Variants in CHD2 observed in about 807,000 individuals in gnomAD.
CHD2 encodes ATP-dependent chromatin remodeler CHD2.
Under a neutral mutation model 243.9 loss-of-function variants are expected in CHD2, and 28 were observed. The observed-to-expected ratio is 0.11, with a 90% CI of 0.09 to 0.16. CHD2 has a LOEUF of 0.16. CHD2 is among the 10% of genes least tolerant of loss of function. CHD2 has a pLI of 1.00. For missense variants in CHD2, 1,386 were observed against 2,209.8 expected, an observed-to-expected ratio of 0.63 and a Z score of 7.47; for synonymous variants, 775 against 779.0, an observed-to-expected ratio of 0.99 and a Z score of 0.09.
At chr15:92,985,218 G>A (rs2054027302) in intron 25 of CHD2, among the ~76,000 whole-genome samples, 1 of 152,138 alleles carries the variant, frequency 6.6e-6, no homozygotes, top group South Asian at 2.1e-4. Flanking sequence ...TTGCCCAAAG[G>A]AGTAAACATG....
chr15:92,915,012 C>A (rs1304063199), intron 2 of CHD2: 3 of 152,162 alleles, frequency 2.0e-5, no homozygotes, highest in African/African-American at 7.2e-5. Context: ...GTAAGGTAAA[C>A]AATTTAGAAG....
rs374157769 is a variant in CHD2 at position 93,004,657 on chromosome 15, G to C, written c.4319G>C (p.Arg1440Pro). 1.2e-6 allele frequency: 2 copies of C among 1,612,952 alleles called. No individual in the cohort carries two copies. Among genetic ancestry groups the C allele is most frequent in the Non-Finnish European group, 1.7e-6 (2 of 1,179,340 alleles). The change falls in exon 34 of 39, where the codon CGA becomes CCA. Residue 1440 changes from arginine (R) to proline (P), a missense_variant. Physicochemically the swap from Arg to Pro is moderately radical, Grantham distance 103 (BLOSUM62 -2). Transcript: ENST00000394196. ...GCCAAATCTTCGAGTAAATCAAAGC[G>C]ATCTCAGGGTCCTGTCCATATTACA... ...GDAKSSSKSK[R>P]SQGPVHITAG...
At chr15:92,911,608 C>T (rs2052736534) in intron 2 of CHD2, among the ~76,000 whole-genome samples, 1 of 151,996 alleles carries the variant, frequency 6.6e-6, no homozygotes, top group Admixed American at 6.6e-5. Flanking sequence ...TGTGGTGGTG[C>T]ACTCCTGTAA....
At chr15:92,967,225 A>G in intron 16 of CHD2, 100 bp from the exon 17 acceptor site, 1 of 829,546 alleles carries the variant, frequency 1.2e-6, no homozygotes, top group East Asian at 2.7e-5. Flanking sequence ...GTGATTGATA[A>G]TGTCTTTCCT....
intron 36 of CHD2, among the ~76,000 whole-genome samples, chr15:93,013,046 G>A (rs373685826): frequency 1.3e-5 from 2 of 152,302 alleles, no homozygotes; most frequent in Admixed American, 6.5e-5. Context: ...CCACTAATGC[G>A]TCAGCTCCAT....
intron 37 of CHD2, among the ~76,000 whole-genome samples, chr15:93,017,435 C>G (rs1316388224): frequency 1.3e-5 from 2 of 151,742 alleles, no homozygotes; most frequent in Non-Finnish European, 2.9e-5. Flanking sequence ...AAGCGATTCT[C>G]CTGCCTCAAC....
chr15:92,993,097 C>CAT, intron 28 of CHD2, 99 bp downstream of exon 28: 1 of 1,251,352 alleles, frequency 8.0e-7, no homozygotes, highest in Non-Finnish European at 1.1e-6. Context: ...GAGGACCACA[C>CAT]ATGCCTAGTG....
At chr15:92,965,565 CAA>C (rs61447848) in intron 16 of CHD2, among the ~76,000 whole-genome samples, 3,246 of 108,732 alleles carry the variant, frequency 0.03, 8 homozygotes, top group Middle Eastern at 0.053. Context: ...ACTCTTTCTC[CAA>C]AAAAAAAAAA....
chr15:93,009,013 C>A, intron 34 of CHD2, 132 bp from the exon 35 acceptor site: 1 of 1,013,944 alleles, frequency 9.9e-7, no homozygotes, highest in South Asian at 1.6e-5. Context: ...ACTGCACTAG[C>A]TTTACCCACT....
At chr15:92,904,511 A>T in intron 2 of CHD2, 1 of 994,848 alleles carries the variant, frequency 1.0e-6, no homozygotes, top group Non-Finnish European at 1.2e-6. Context: ...AGGGAACTCT[A>T]GTTGGGACTT....
chr15:92,907,530 G>A (rs1274863409), intron 2 of CHD2, among the ~76,000 whole-genome samples: 1 of 152,164 alleles, frequency 6.6e-6, no homozygotes. Flanking sequence ...ATGCTTAACT[G>A]TTACCTCTGT....
chr15:92,911,065 A>G (rs1025299309), intron 2 of CHD2, among the ~76,000 whole-genome samples: 4 of 152,230 alleles, frequency 2.6e-5, no homozygotes, highest in African/African-American at 4.8e-5. Context: ...TCACTGTTGT[A>G]TATGACACCA....
intron 2 of CHD2, among the ~76,000 whole-genome samples, chr15:92,916,236 T>TA (rs35716675): frequency 0.34 from 51,040 of 151,992 alleles, 8,726 homozygotes; most frequent in South Asian, 0.45. Context: ...CCTGGGCACA[T>TA]ACCATCAGGA....
At chr15:92,924,609 C>A in intron 3 of CHD2, 57 bp downstream of exon 3, 6 of 1,471,038 alleles carry the variant, frequency 4.1e-6, no homozygotes, top group Non-Finnish European at 4.8e-6. Flanking sequence ...AGCTAGCAGA[C>A]CTTTGTTGTT....
rs1006566437 is a variant in CHD2 at position 93,004,659 on chromosome 15, T to G, written c.4321T>G (p.Ser1441Ala). 2 of 1,613,232 alleles carry G rather than the reference T, an allele frequency of 1.2e-6. No homozygotes were observed. Among genetic ancestry groups the G allele is most frequent in the Non-Finnish European group, 1.7e-6 (2 of 1,179,556 alleles). The change falls in exon 34 of 39, where the codon TCT becomes GCT. Residue 1441 changes from serine to alanine, a missense_variant. Coordinates refer to ENST00000394196, the MANE Select transcript of CHD2 (RefSeq NM_001271.4). ...DAKSSSKSKR[S>A]QGPVHITAGS... ...CAAATCTTCGAGTAAATCAAAGCGA[T>G]CTCAGGGTCCTGTCCATATTACAGC...
intron 2 of CHD2, chr15:92,901,702 A>G (rs959515291): frequency 6.0e-6 from 2 of 333,124 alleles, no homozygotes; most frequent in Admixed American, 9.5e-5. Flanking sequence ...AATCCAGGAT[A>G]TCTAAACTTG....
intron 23 of CHD2, 120 bp from the exon 24 acceptor site, chr15:92,981,245 A>T: frequency 1.5e-6 from 1 of 652,192 alleles, no homozygotes. Context: ...ATGAAATATC[A>T]GAAAGGAGAA....
At chr15:93,007,109 A>AT (rs1272266393) in intron 34 of CHD2, among the ~76,000 whole-genome samples, 1 of 152,222 alleles carries the variant, frequency 6.6e-6, no homozygotes, top group East Asian at 1.9e-4. Flanking sequence ...CTGCCACTTT[A>AT]TTAGATACTC....
intron 21 of CHD2, 85 bp downstream of exon 21, chr15:92,978,468 C>G (rs948108400): frequency 1.5e-5 from 21 of 1,394,950 alleles, no homozygotes; most frequent in Non-Finnish European, 1.6e-5. Context: ...TAATAAAATG[C>G]TTTTTCCCTG....
Sources: allele counts gnomAD v4.1 joint callset (sites outside exome capture counted in the v4.1 genomes callset), GRCh38; gene constraint gnomAD v4.1.1; transcripts MANE v1.5; gene names NCBI Gene and HGNC (gene_info 2026-07-23, HGNC 2026-07-21).